Variants in APOA1 observed in about 807,000 individuals in gnomAD.
APOA1 encodes apolipoprotein A-I.
A neutral mutation model predicts 25.9 loss-of-function variants in APOA1; 22 were observed. That is an observed-to-expected ratio of 0.85 (90% CI 0.61 to 1.21). The LOEUF (loss-of-function observed/expected upper bound fraction) is 1.21, where lower values mean the gene tolerates loss of function less well. Ranked by LOEUF, APOA1 falls within the 50% of genes most tolerant of loss-of-function variation. The probability of loss-of-function intolerance (pLI) is 0.00; values close to 1 mark genes in which losing one functional copy is unlikely to be tolerated. For missense variants in APOA1, 351 were observed against 347.9 expected (o/e 1.01, Z -0.07); for synonymous variants, 163 against 152.2 (o/e 1.07, Z -0.52).
rs368503162 is a variant in APOA1 at position 116,835,888 on chromosome 11, G to T, written c.724C>A (p.Leu242Met). The T allele has an allele frequency of 6.8e-6, 11 of 1,613,174 alleles. No individual in the cohort carries two copies. In the African/African-American group the frequency reaches 1.2e-4, roughly 18 times the overall value. ...TTGAAGCTCTCCAGCACGGGCAGCA[G>T]GCCTTGGCGGAGGTCCTCGAGCGCG... Reference protein sequence around the residue: ...KPALEDLRQGLLPVLESFKVS... With the variant: ...KPALEDLRQGMLPVLESFKVS... The change falls in exon 4 of 4, where the codon CTG (leucine) becomes ATG (methionine). Residue 242 changes from leucine to methionine, a missense_variant. Leu to Met is a conservative substitution (Grantham distance 15). Coordinates refer to ENST00000236850, the MANE Select transcript of APOA1 (RefSeq NM_000039.3).
Position 116,835,842 on chromosome 11 carries a change from A to G in APOA1, c.770T>C (p.Leu257Pro), listed in dbSNP as rs1941527489. Residue 257 changes from leucine to proline, a missense_variant, in exon 4 of 4, where the codon CTC becomes CCC. Leu to Pro is a moderately conservative substitution (Grantham distance 98). Coordinates refer to ENST00000236850, the MANE Select transcript of APOA1 (RefSeq NM_000039.3). Reference protein sequence around the residue: ...ESFKVSFLSALEEYTKKLNTQ With the variant: ...ESFKVSFLSAPEEYTKKLNTQ The stretch of plus-strand genomic sequence containing the variant: ...GTTGAGCTTCTTAGTGTACTCCTCG[A>G]GAGCGCTCAGGAAGCTGACCTTGAA... The G allele has an allele frequency of 1.2e-6, 2 of 1,613,104 alleles. No homozygotes were observed. The highest frequency in any genetic ancestry group is 1.3e-5 in the African/African-American group (1 of 75,062).
At chr11:116,837,434 G>A (rs372263101) in intron 1 of APOA1, 27 bp from the exon 2 acceptor site, 21 of 1,551,020 alleles carry the variant, frequency 1.4e-5, no homozygotes, top group Non-Finnish European at 1.7e-5. Context: ...GCCTGGCTGA[G>A]TGGGGTGCCT....
chr11:116,836,635 G>T (rs992407045), intron 3 of APOA1, among the ~76,000 whole-genome samples: 4 of 152,208 alleles, frequency 2.6e-5, no homozygotes, highest in Non-Finnish European at 2.9e-5. Flanking sequence ...GCCCAGTTAC[G>T]TTGGTCTCCA....
Position 116,837,414 on chromosome 11 carries a change from GAGA to G in APOA1, c.-20-10_-20-8del, listed in dbSNP as rs1287979930. ...CTGAAGGGCCGTGGGGGACCTGGAG[GAGA>G]AGAAGGGCCTGGCTGAGTGGGGTGC... On this transcript the variant is annotated splice_polypyrimidine_tract_variant and splice_region_variant and intron_variant, in intron 1 of 3. Coordinates refer to ENST00000236850, the MANE Select transcript of APOA1 (RefSeq NM_000039.3). 11 of 1,553,722 alleles carry G rather than the reference GAGA, an allele frequency of 7.1e-6. No individual in the cohort carries two copies. The highest frequency in any genetic ancestry group is 2.4e-5 in the East Asian group (1 of 41,270).
rs1431190285 is a variant in APOA1, at chr11:116,836,153, G to A, written c.459C>T (p.Gly153=). ...VEPLRAELQE[G]ARQKLHELQE... The stretch of plus-strand genomic sequence containing the variant: ...GCAGCTCGTGCAGCTTCTGGCGCGC[G>A]CCCTCTTGGAGCTCTGCGCGCAGCG... The change falls in exon 4 of 4, where the codon GGC becomes GGT. Residue 153 remains glycine (G), a synonymous_variant. Coordinates refer to ENST00000236850, the MANE Select transcript of APOA1 (RefSeq NM_000039.3). 1 of 1,613,342 alleles carries A rather than the reference G, an allele frequency of 6.2e-7. No homozygotes were observed. The highest frequency in any genetic ancestry group is 8.5e-7 in the Non-Finnish European group (1 of 1,180,024).
chr11:116,836,194 G>T lies in APOA1; in HGVS notation c.418C>A (p.Arg140Ser), dbSNP rs760468591. The T allele has an allele frequency of 7.4e-6, 12 of 1,613,636 alleles. No individual in the cohort carries two copies. The highest frequency in any genetic ancestry group is 2.2e-5 in the East Asian group (1 of 44,872). ...GCGCGCAGCGGCTCCACCTTCTGGC[G>T]GTAGAGCTCCATCTCCTCCTGCCAC... ...KKWQEEMELY[R>S]QKVEPLRAEL... is the part of the protein sequence containing the mutation. The change falls in exon 4 of 4, where the codon CGC (arginine) becomes AGC (serine). Residue 140 changes from arginine (R) to serine (S), a missense_variant. Coordinates refer to ENST00000236850, the MANE Select transcript of APOA1 (RefSeq NM_000039.3).
intron 2 of APOA1, 40 bp downstream of exon 2, chr11:116,837,305 G>GC (rs761253595): frequency 2.5e-6 from 4 of 1,580,244 alleles, no homozygotes; most frequent in Admixed American, 1.9e-5. Flanking sequence ...TAGGGAGAAA[G>GC]CCCCCCGATG....
At position 116,836,114 on chromosome 11, in the gene APOA1, G is replaced by T. The variant is rs757899657; in HGVS notation, c.498C>A (p.Ser166Arg). The T allele has an allele frequency of 4.0e-5, 64 of 1,611,734 alleles. No homozygotes were observed. Among genetic ancestry groups the T allele is most frequent in the African/African-American group, 1.3e-5 (1 of 74,944 alleles). Reference sequence around the variant, plus strand: ...GGTCGCGCATCTCCTCGCCCAGTGGGCTCAGCTTCTCTTGCAGCTCGTGCA... The same window carrying T: ...GGTCGCGCATCTCCTCGCCCAGTGGTCTCAGCTTCTCTTGCAGCTCGTGCA... ...QKLHELQEKL[S>R]PLGEEMRDRA... is the part of the protein sequence containing the mutation. The change falls in exon 4 of 4, where the codon AGC becomes AGA. Residue 166 changes from serine to arginine, a missense_variant. Coordinates refer to ENST00000236850, the MANE Select transcript of APOA1 (RefSeq NM_000039.3).
Position 116,836,104 on chromosome 11 carries a change from C to G in APOA1, c.508G>C (p.Glu170Gln). ...ELQEKLSPLG[E>Q]EMRDRARAHV... ...GCGCGCGCGCGGTCGCGCATCTCCT[C>G]GCCCAGTGGGCTCAGCTTCTCTTGC... is the stretch of plus-strand genomic sequence containing the variant. Residue 170 changes from glutamate to glutamine, a missense_variant, in exon 4 of 4, where the codon GAG becomes CAG. By Grantham distance (29) the Glu-to-Gln change is conservative. Transcript: ENST00000236850. 12 of 1,610,778 alleles carry G rather than the reference C, an allele frequency of 7.4e-6. No homozygotes were observed. Among genetic ancestry groups the G allele is most frequent in the Non-Finnish European group, 1.0e-5 (12 of 1,179,634 alleles).
intron 3 of APOA1, 121 bp downstream of exon 3, chr11:116,836,880 A>C: frequency 8.4e-7 from 1 of 1,187,234 alleles, no homozygotes; most frequent in Non-Finnish European, 1.2e-6. Flanking sequence ...TTCTCCATCC[A>C]GACCATCTGT....
Position 116,836,172 on chromosome 11 carries a change from C to G in APOA1, c.440G>C (p.Arg147Pro). The G allele has an allele frequency of 1.2e-6, 2 of 1,613,652 alleles. No individual in the cohort carries two copies. The highest frequency in any genetic ancestry group is 1.7e-6 in the Non-Finnish European group (2 of 1,180,020). ...GCGCGCGCCCTCTTGGAGCTCTGCG[C>G]GCAGCGGCTCCACCTTCTGGCGGTA... ...ELYRQKVEPL[R>P]AELQEGARQK... is the part of the protein sequence containing the mutation. The change falls in exon 4 of 4, where the codon CGC becomes CCC. Residue 147 changes from arginine (R) to proline (P), a missense_variant. Transcript: ENST00000236850.
Position 116,837,589 on chromosome 11 carries a change from A to G in APOA1, c.-21+16T>C. 1 of 637,006 alleles carries G rather than the reference A, an allele frequency of 1.6e-6. No homozygotes were observed. The highest frequency in any genetic ancestry group is 1.9e-5 in the South Asian group (1 of 52,470). 39.5% of individuals were successfully genotyped at this position (637,006 alleles called of 1,614,324 possible). On this transcript the variant is annotated intron_variant, in intron 1 of 3. Transcript: ENST00000236850. ...GCTGGGGAGCCAGAGTGACCGGGGC[A>G]GGCAGCAGGACGCACCTCCTTCTCG...
Position 116,836,409 on chromosome 11 carries a change from A to T in APOA1, c.203T>A (p.Leu68Gln). 1 of 1,613,730 alleles carries T rather than the reference A, an allele frequency of 6.2e-7. No individual in the cohort carries two copies. The highest frequency in any genetic ancestry group is 8.5e-7 in the Non-Finnish European group (1 of 1,180,030). Residue 68 changes from leucine (L) to glutamine (Q), a missense_variant and splice_region_variant, in exon 4 of 4, where the codon CTA becomes CAA. Leu to Gln is a moderately radical substitution (Grantham distance 113). Transcript: ENST00000236850. ...EGSALGKQLN[L>Q]KLLDNWDSVT... The stretch of plus-strand genomic sequence containing the variant: ...GCTGTCCCAGTTGTCAAGGAGCTTT[A>T]GGCTGGAGGGTGAGACAGAAGGGTT...
chr11:116,836,952 C>T, intron 3 of APOA1, 49 bp downstream of exon 3: 1 of 1,602,862 alleles, frequency 6.2e-7, no homozygotes, highest in Non-Finnish European at 8.5e-7. Context: ...CATCATCCCA[C>T]AGGCCTCTGC....
chr11:116,836,120 C>G lies in APOA1; in HGVS notation c.492G>C (p.Lys164Asn), dbSNP rs141429250. Residue 164 changes from lysine (K) to asparagine (N), a missense_variant, in exon 4 of 4, where the codon AAG (lysine) becomes AAC (asparagine). By Grantham distance (94) the Lys-to-Asn change is moderately conservative. Transcript: ENST00000236850. ...GCATCTCCTCGCCCAGTGGGCTCAGCTTCTCTTGCAGCTCGTGCAGCTTCT... is the reference window on the plus strand; with the variant it reads ...GCATCTCCTCGCCCAGTGGGCTCAGGTTCTCTTGCAGCTCGTGCAGCTTCT... ...ARQKLHELQE[K>N]LSPLGEEMRD... is the part of the protein sequence containing the mutation. The G allele has an allele frequency of 1.2e-6, 2 of 1,612,336 alleles. No homozygotes were observed. Among genetic ancestry groups the G allele is most frequent in the Non-Finnish European group, 1.7e-6 (2 of 1,179,956 alleles).
At chr11:116,837,504 A>C (rs2134234037) in intron 1 of APOA1, 97 bp from the exon 2 acceptor site, 6 of 1,314,702 alleles carry the variant, frequency 4.6e-6, no homozygotes, top group Non-Finnish European at 6.4e-6. Flanking sequence ...AGAAGGGCAC[A>C]GAGCGGGAGA....
chr11:116,836,311 T>C lies in APOA1; in HGVS notation c.301A>G (p.Lys101Glu), dbSNP rs143723530. Residue 101 changes from lysine (K) to glutamate (E), a missense_variant, in exon 4 of 4, where the codon AAG becomes GAG. Transcript: ENST00000236850. ...TCCTGCCTCAGGCCCTCTGTCTCCT[T>C]TTCCAGGTTATCCCAGAACTCCTGG... ...VTQEFWDNLE[K>E]ETEGLRQEMS... The C allele has an allele frequency of 4.3e-6, 7 of 1,614,058 alleles. No homozygotes were observed. Among genetic ancestry groups the C allele is most frequent in the Non-Finnish European group, 5.9e-6 (7 of 1,180,034 alleles).
intron 2 of APOA1, 22 bp from the exon 3 acceptor site, chr11:116,837,179 C>T: frequency 6.2e-7 from 1 of 1,608,750 alleles, no homozygotes. Context: ...AGGGGAGACC[C>T]AGATCAGGCC....
intron 2 of APOA1, 86 bp from the exon 3 acceptor site, chr11:116,837,243 G>A: frequency 6.3e-7 from 1 of 1,578,456 alleles, no homozygotes; most frequent in Non-Finnish European, 8.7e-7. Flanking sequence ...GGGGGAGAGG[G>A]GGCCAGTGAG....
Sources: gnomAD v4.1 joint callset for allele counts (sites outside exome capture counted in the v4.1 genomes callset) on GRCh38, gnomAD v4.1.1 for gene constraint, MANE v1.5 for transcripts, NCBI Gene and HGNC (gene_info 2026-07-23, HGNC 2026-07-21) for gene names.